Variants in ZNF577 observed in about 807,000 individuals in gnomAD.
The protein encoded by ZNF577 is zinc finger protein 577.
Under a neutral mutation model 13.9 loss-of-function variants are expected in ZNF577, and 14 were observed. That is an observed-to-expected ratio of 1.00 (90% CI 0.66 to 1.57). The LOEUF (loss-of-function observed/expected upper bound fraction) is 1.57. Among genes scored for constraint, ZNF577 ranks in the 40% most tolerant of loss-of-function variants. ZNF577 has a pLI of 0.00. For synonymous variants in ZNF577, 203 were observed against 202.9 expected, an observed-to-expected ratio of 1.00 and a Z score of 0.00; for missense variants, 555 against 579.2, an observed-to-expected ratio of 0.96 and a Z score of 0.43.
At chr19:51,865,424 T>C (rs890457668), downstream of ZNF577, among the ~76,000 whole-genome samples, 6 of 152,164 alleles carry the variant, frequency 3.9e-5, no homozygotes, top group Admixed American at 1.3e-4. Context: ...ACACCATATA[T>C]ACAGGAACAC....
rs546107441 is a variant in ZNF577, at chr19:51,869,494, G to A, written c.*3038C>T. Among the ~76,000 whole-genome samples the A allele has an allele frequency of 2.0e-5, 3 of 152,144 alleles. No homozygotes were observed. Among genetic ancestry groups the A allele is most frequent in the East Asian group, 1.9e-4 (1 of 5,176 alleles). ...ATAGTCCTGCCACATCCCCCTCTCC[G>A]AGATGGTAGAGATAGTGATCAACAA... On this transcript the variant is annotated 3_prime_UTR_variant, in exon 6 of 6. Coordinates refer to ENST00000638348, the MANE Select transcript of ZNF577 (RefSeq NM_001370449.1).
intron 9 of ZNF577, among the ~76,000 whole-genome samples, chr19:51,829,267 C>T (rs1242214454): frequency 1.3e-5 from 2 of 152,094 alleles, no homozygotes; most frequent in Non-Finnish European, 2.9e-5. Flanking sequence ...TAGCCACAGC[C>T]CCGACAAGCT....
At chr19:51,882,917 C>A (rs1297721092) in intron 1 of ZNF577, among the ~76,000 whole-genome samples, 1 of 152,060 alleles carries the variant, frequency 6.6e-6, no homozygotes, top group Non-Finnish European at 1.5e-5. Context: ...GGTGATTTCT[C>A]CCATATGATG....
chr19:51,856,900 T>C (rs2084427864), intron 5 of ZNF577, among the ~76,000 whole-genome samples: 1 of 150,500 alleles, frequency 6.6e-6, no homozygotes, highest in Non-Finnish European at 1.5e-5. Context: ...AGCAGCATGA[T>C]TTGAATGGCT....
In ZNF577 at chr19:51,824,313, G is replaced by C; in HGVS notation, c.*600-12639C>G. On this transcript the variant is annotated intron_variant and NMD_transcript_variant, in intron 9 of 10. Coordinates refer to the ZNF577 transcript ENST00000638827. This position sits in a 1 kb window ranked among gnomAD's most constrained non-coding sequence, Gnocchi z 4.7. Reference sequence around the variant, plus strand: ...TGCATTCTGGGGTGACACTGCTGTAGAGAGGTTGAACGTGTTCATTACCAT... The same window carrying C: ...TGCATTCTGGGGTGACACTGCTGTACAGAGGTTGAACGTGTTCATTACCAT... 1 of 1,614,168 alleles carries C rather than the reference G, an allele frequency of 6.2e-7. No homozygotes were observed. Among genetic ancestry groups the C allele is most frequent in the Non-Finnish European group, 8.5e-7 (1 of 1,180,018 alleles).
At chr19:51,886,037 A>C (rs934640005) in intron 1 of ZNF577, 4 of 152,204 alleles carry the variant, frequency 2.6e-5, no homozygotes, top group Non-Finnish European at 5.9e-5. Flanking sequence ...CCAGCCACAA[A>C]AGAATGTGTA....
chr19:51,843,941 G>T (rs776157840), intron 6 of ZNF577, among the ~76,000 whole-genome samples: 8 of 151,964 alleles, frequency 5.3e-5, no homozygotes, highest in Admixed American at 3.3e-4. Context: ...AATGCAAATA[G>T]TTCATTAAGA....
intron 9 of ZNF577, among the ~76,000 whole-genome samples, chr19:51,832,672 T>A (rs1386380265): frequency 6.6e-6 from 1 of 152,214 alleles, no homozygotes; most frequent in Admixed American, 6.5e-5. Flanking sequence ...TAGTTCTACA[T>A]TTAATATTTA....
chr19:51,883,529 A>G (rs914156657), intron 1 of ZNF577, among the ~76,000 whole-genome samples: 5 of 152,036 alleles, frequency 3.3e-5, no homozygotes, highest in Admixed American at 3.3e-4. Flanking sequence ...CCCATGTTCA[A>G]TTTTTTTAGG....
rs947299806 is a variant in ZNF577 at position 51,869,001 on chromosome 19, C to A, written c.*3531G>T. Reference sequence around the variant, plus strand: ...GAGTACCCAGGGACACAATGCACTGCGGAAGGCCGCAGGGACCTCTGCCCA... The same window carrying A: ...GAGTACCCAGGGACACAATGCACTGAGGAAGGCCGCAGGGACCTCTGCCCA... On this transcript the variant is annotated 3_prime_UTR_variant, in exon 6 of 6. Transcript: ENST00000638348. 2.6e-5 allele frequency among the ~76,000 whole-genome samples: 4 copies of A among 151,936 alleles called. No homozygotes were observed. Among genetic ancestry groups the A allele is most frequent in the African/African-American group, 4.9e-5 (2 of 41,214 alleles).
intron 1 of ZNF577, among the ~76,000 whole-genome samples, chr19:51,882,013 G>A (rs17835306): frequency 0.11 from 16,900 of 152,006 alleles, 1,009 homozygotes; most frequent in East Asian, 0.23. Flanking sequence ...ACTGGTAAAC[G>A]CACTGGTCAA....
chr19:51,823,358 T>C (rs2084204668), intron 9 of ZNF577, among the ~76,000 whole-genome samples: 1 of 152,134 alleles, frequency 6.6e-6, no homozygotes, highest in Non-Finnish European at 1.5e-5. Flanking sequence ...GCCAGCATGT[T>C]TGCATTGAGT....
chr19:51,834,620 T>C (rs948442823), intron 9 of ZNF577, among the ~76,000 whole-genome samples: 1 of 152,158 alleles, frequency 6.6e-6, no homozygotes, highest in African/African-American at 2.4e-5. Flanking sequence ...TTAGAAAATA[T>C]TTTTAACTGA....
chr19:51,849,937 T>C (rs929358879), intron 5 of ZNF577, among the ~76,000 whole-genome samples: 2 of 152,242 alleles, frequency 1.3e-5, no homozygotes, highest in African/African-American at 4.8e-5. Flanking sequence ...CATTTTATTA[T>C]GCTAAGTGTA....
chr19:51,848,977 TA>T (rs2084367580), intron 5 of ZNF577, among the ~76,000 whole-genome samples: 3 of 152,240 alleles, frequency 2.0e-5, no homozygotes, highest in African/African-American at 2.4e-5. Flanking sequence ...TATGTAGTTC[TA>T]AACCATTTTT....
intron 5 of ZNF577, 129 bp downstream of exon 5, chr19:51,877,153 T>C: frequency 1.5e-6 from 1 of 676,088 alleles, no homozygotes; most frequent in Non-Finnish European, 2.6e-6. Context: ...GCAGAAAGGC[T>C]GATTAGGTTT....
At chr19:51,830,087 T>C (rs2084254299) in intron 9 of ZNF577, among the ~76,000 whole-genome samples, 1 of 151,376 alleles carries the variant, frequency 6.6e-6, no homozygotes, top group Non-Finnish European at 1.5e-5. Flanking sequence ...TTTTGAGTCC[T>C]ATTTATCTGG....
downstream of ZNF577, among the ~76,000 whole-genome samples, chr19:51,866,824 A>G (rs1019227377): frequency 2.6e-5 from 4 of 152,138 alleles, no homozygotes; most frequent in African/African-American, 9.7e-5. Flanking sequence ...TCTACTAAAA[A>G]TACAAAAATT....
intron 9 of ZNF577, among the ~76,000 whole-genome samples, chr19:51,815,843 T>C (rs774884575): frequency 6.9e-6 from 1 of 143,966 alleles, no homozygotes; most frequent in Non-Finnish European, 1.5e-5. Flanking sequence ...GCCTGGGTGA[T>C]AGAATGAGAC....
Sources: gnomAD v4.1 joint callset for allele counts (sites outside exome capture counted in the v4.1 genomes callset) on GRCh38, gnomAD v4.1.1 for gene constraint, Gnocchi (gnomAD v3.1) non-coding constraint, MANE v1.5 for transcripts, NCBI Gene and HGNC (gene_info 2026-07-23, HGNC 2026-07-21) for gene names.